The following CFAP47 variants were observed in gnomAD, a reference collection of about 807,000 sequenced individuals.
CFAP47 encodes the protein cilia and flagella associated protein 47.
A neutral mutation model predicts 148.1 loss-of-function variants in CFAP47; 29 were observed. The ratio of observed to expected loss-of-function variants is 0.20; its 90% CI spans 0.15 to 0.27. The LOEUF is 0.27. Ranked by LOEUF, CFAP47 falls within the 10% of genes least tolerant of loss-of-function variation. The probability of loss-of-function intolerance (pLI) is 1.00; values close to 1 mark genes in which losing one functional copy is unlikely to be tolerated. For missense variants in CFAP47, 1,872 were observed against 1,697.5 expected (o/e 1.10, Z -1.81); for synonymous variants, 664 against 577.3 (o/e 1.15, Z -2.15).
At chrX:36,328,465 A>G (rs1556013479) in intron 57 of CFAP47, among the ~76,000 whole-genome samples, 5 of 112,231 alleles carry the variant, frequency 4.5e-5, no homozygotes, top group Non-Finnish European at 9.4e-5. Flanking sequence ...TTGTTATAAA[A>G]TATATATGAA....
intron 29 of CFAP47, among the ~76,000 whole-genome samples, chrX:36,079,314 A>G (rs1233039813): frequency 1.8e-5 from 2 of 112,102 alleles, no homozygotes; most frequent in Admixed American, 9.5e-5. Flanking sequence ...CAGGTACAGC[A>G]GTCAAACATA....
chrX:35,926,870 G>A (rs988192748), intron 2 of CFAP47, among the ~76,000 whole-genome samples: 3 of 110,600 alleles, frequency 2.7e-5, no homozygotes, highest in Admixed American at 9.7e-5. Context: ...GGGTGCAGTG[G>A]CTCATGCCTG....
At chrX:36,292,872 T>C (rs1190243041) in intron 51 of CFAP47, among the ~76,000 whole-genome samples, 1 of 111,471 alleles carries the variant, frequency 9.0e-6, no homozygotes, top group African/African-American at 3.3e-5. Flanking sequence ...CTTTATTATT[T>C]AGTTAAAAGT....
At chrX:36,114,743 G>A (rs73197121) in intron 33 of CFAP47, among the ~76,000 whole-genome samples, 53 of 111,476 alleles carry the variant, frequency 4.8e-4, no homozygotes, top group Non-Finnish European at 8.7e-4. Flanking sequence ...TGGAGGATGA[G>A]GTGCTCCCAG....
chrX:36,131,747 A>G (rs73472826), intron 33 of CFAP47, among the ~76,000 whole-genome samples: 1,880 of 111,541 alleles, frequency 0.017, 37 homozygotes, highest in African/African-American at 0.058. Flanking sequence ...AGACAACAGA[A>G]CACAAAAGGG....
chrX:36,321,357 C>T (rs1313917045), intron 57 of CFAP47, among the ~76,000 whole-genome samples: 1 of 110,552 alleles, frequency 9.0e-6, no homozygotes, highest in South Asian at 3.8e-4. Flanking sequence ...ATGATGGTTA[C>T]CAGAGATTGG....
chrX:36,069,094 A>C (rs1346404987), intron 27 of CFAP47, among the ~76,000 whole-genome samples: 3 of 111,295 alleles, frequency 2.7e-5, no homozygotes, highest in African/African-American at 9.8e-5. Context: ...AGATGATGGC[A>C]ATTCTCATTT....
intron 15 of CFAP47, among the ~76,000 whole-genome samples, chrX:35,986,999 C>T (rs1039295501): frequency 4.5e-5 from 5 of 111,279 alleles, no homozygotes; most frequent in East Asian, 5.7e-4. Flanking sequence ...GAGGGGCACC[C>T]GCCAGAAGCC....
rs758424298 is a variant in CFAP47, at chrX:36,149,810, C to T, written c.5786+587C>T. ...TTTTAGTAGAGGCAGGGTTTCACCA[C>T]GTTGGCCAGGCTGGTCTCGAACTCC... On this transcript the variant is annotated intron_variant, in intron 37 of 63. Transcript: ENST00000378653. Among the ~76,000 whole-genome samples, 65 of 107,843 alleles carry T rather than the reference C, an allele frequency of 6.0e-4. 1 individual carries two copies. The highest frequency in any genetic ancestry group is 2.0e-3 in the African/African-American group (60 of 29,662). The allele number at this position is 107,843 out of a possible 115,157, so 93.6% of individuals were successfully genotyped here.
At chrX:36,309,085 T>G (rs189049744) in intron 55 of CFAP47, among the ~76,000 whole-genome samples, 1 of 111,505 alleles carries the variant, frequency 9.0e-6, no homozygotes, top group African/African-American at 3.2e-5. Context: ...ATGTGGTAAA[T>G]TATAACTTCT....
intron 49 of CFAP47, among the ~76,000 whole-genome samples, chrX:36,277,684 G>A (rs1602086535): frequency 8.9e-6 from 1 of 112,238 alleles, no homozygotes; most frequent in Admixed American, 9.4e-5. Flanking sequence ...GTCCTGTCCA[G>A]TATTAAAGAT....
At chrX:35,994,193 C>T (rs776021685) in intron 18 of CFAP47, among the ~76,000 whole-genome samples, 3 of 110,181 alleles carry the variant, frequency 2.7e-5, no homozygotes, top group East Asian at 5.7e-4. Flanking sequence ...ACCTGGGAGG[C>T]GGAGCTTGCA....
intron 40 of CFAP47, among the ~76,000 whole-genome samples, chrX:36,183,953 T>A (rs1413408914): frequency 9.0e-6 from 1 of 110,946 alleles, no homozygotes; most frequent in African/African-American, 3.3e-5. Flanking sequence ...AGTTATTTAA[T>A]CATTCAACAT....
intron 13 of CFAP47, among the ~76,000 whole-genome samples, chrX:35,974,285 T>C (rs749498507): frequency 1.8e-5 from 2 of 111,871 alleles, no homozygotes; most frequent in African/African-American, 6.5e-5. Flanking sequence ...AAACTCCTTT[T>C]TAACCTTGAA....
At chrX:36,222,619 A>G (rs1940224646) in intron 45 of CFAP47, among the ~76,000 whole-genome samples, 1 of 110,442 alleles carries the variant, frequency 9.1e-6, no homozygotes, top group South Asian at 3.8e-4. Flanking sequence ...ACCATATTAC[A>G]AAATTTCTAC....
At chrX:36,163,203 C>G (rs1204315263) in intron 39 of CFAP47, among the ~76,000 whole-genome samples, 1 of 111,849 alleles carries the variant, frequency 8.9e-6, no homozygotes, top group Non-Finnish European at 1.9e-5. Flanking sequence ...TCAGAGTATT[C>G]CCTTATAATC....
intron 21 of CFAP47, among the ~76,000 whole-genome samples, chrX:36,004,013 C>T (rs1174878138): frequency 2.1e-5 from 2 of 95,208 alleles, no homozygotes; most frequent in African/African-American, 8.4e-5. Flanking sequence ...CACTCTGTCA[C>T]CCAGGTTGGA....
intron 15 of CFAP47, among the ~76,000 whole-genome samples, chrX:35,988,086 T>C (rs1411706743): frequency 8.9e-6 from 1 of 111,781 alleles, no homozygotes; most frequent in Non-Finnish European, 1.9e-5. Flanking sequence ...ATTTGTGCTC[T>C]TTTAACCACC....
intron 9 of CFAP47, among the ~76,000 whole-genome samples, chrX:35,967,137 A>G (rs1393933009): frequency 9.0e-6 from 1 of 111,091 alleles, no homozygotes; most frequent in East Asian, 2.8e-4. Flanking sequence ...TTGCGCTTTG[A>G]GTAGCACTGG....
Sources: allele counts gnomAD v4.1 joint callset (sites outside exome capture counted in the v4.1 genomes callset), GRCh38; gene constraint gnomAD v4.1.1; transcripts MANE v1.5; gene names NCBI Gene and HGNC (gene_info 2026-07-23, HGNC 2026-07-21).